RNF43: variants seen among roughly 807,000 people sequenced by gnomAD.
RNF43 encodes the protein E3 ubiquitin-protein ligase RNF43.
In RNF43, 37 loss-of-function variants were observed where a neutral mutation model predicts 78.4. The ratio of observed to expected loss-of-function variants is 0.47; its 90% confidence interval spans 0.36 to 0.62. RNF43 has a LOEUF of 0.62. Ranked by LOEUF, RNF43 falls within the 20% of genes least tolerant of loss-of-function variation. The probability of loss-of-function intolerance (pLI) is 0.00; values close to 1 mark genes in which losing one functional copy is unlikely to be tolerated. For missense variants in RNF43, 774 were observed against 1,007.9 expected, an observed-to-expected ratio of 0.77 and a Z score of 3.14; for synonymous variants, 347 against 395.0, an observed-to-expected ratio of 0.88 and a Z score of 1.44.
chr17:58,377,574 T>C (rs1449089755), intron 2 of RNF43, among the ~76,000 whole-genome samples: 2 of 152,184 alleles, frequency 1.3e-5, no homozygotes, highest in Admixed American at 6.5e-5. Flanking sequence ...AACTTAATGC[T>C]GGTCTCCCCT....
At chr17:58,385,420 A>G (rs371671052) in intron 2 of RNF43, among the ~76,000 whole-genome samples, 1 of 152,162 alleles carries the variant, frequency 6.6e-6, no homozygotes, top group African/African-American at 2.4e-5. Context: ...ATTTCAGTTA[A>G]CGGCACCACC....
chr17:58,370,137 C>T (rs1008845774), intron 3 of RNF43, among the ~76,000 whole-genome samples: 26 of 140,574 alleles, frequency 1.8e-4, no homozygotes, highest in African/African-American at 6.4e-4. Context: ...GGCACGATCT[C>T]GGCTCACTGC....
Position 58,370,935 on chromosome 17 carries a change from G to C in RNF43, c.351C>G (p.Arg117=). Residue 117 remains arginine, a synonymous_variant, in exon 3 of 10, where the codon CGC becomes CGG. Coordinates refer to ENST00000407977, the MANE Select transcript of RNF43 (RefSeq NM_017763.6). ...CCTTGCTAGCCAGTGACAGGCAGGGGCGGGGGGCCCGTCGAGGACTCTCCA... is the reference window on the plus strand; with the variant it reads ...CCTTGCTAGCCAGTGACAGGCAGGGCCGGGGGGCCCGTCGAGGACTCTCCA... ...VKLESPRRAP[R]PCLSLASKAR... 1 of 1,607,310 alleles carries C rather than the reference G, an allele frequency of 6.2e-7. No individual in the cohort carries two copies. The highest frequency in any genetic ancestry group is 1.1e-5 in the South Asian group (1 of 89,806).
chr17:58,405,722 G>GAAAGAAAA (rs1973894911), intron 2 of RNF43, among the ~76,000 whole-genome samples: 1 of 148,718 alleles, frequency 6.7e-6, no homozygotes, highest in Non-Finnish European at 1.5e-5. Flanking sequence ...AAGAAAGAAA[G>GAAAGAAAA]AAAGAAAGAA....
At chr17:58,374,809 C>T (rs1474515715) in intron 2 of RNF43, among the ~76,000 whole-genome samples, 2 of 152,056 alleles carry the variant, frequency 1.3e-5, no homozygotes, top group Admixed American at 1.3e-4. Flanking sequence ...AGCTCCAGAC[C>T]CTTATGTCTA....
intron 2 of RNF43, among the ~76,000 whole-genome samples, chr17:58,399,015 G>A (rs965976294): frequency 1.3e-5 from 2 of 152,102 alleles, no homozygotes; most frequent in African/African-American, 2.4e-5. Flanking sequence ...TCCTCCCCAC[G>A]CCCCACTGGT....
chr17:58,358,754 A>G lies in RNF43; in HGVS notation c.1022T>C (p.Leu341Pro). 6.4e-7 allele frequency: 1 copy of G among 1,561,754 alleles called. No homozygotes were observed. The highest frequency in any genetic ancestry group is 1.2e-5 in the South Asian group (1 of 85,254). Residue 341 changes from leucine (L) to proline (P), a missense_variant, in exon 9 of 10, where the codon CTC becomes CCC. Leu to Pro is a moderately conservative substitution (Grantham distance 98). Transcript: ENST00000407977. This position sits in a 1 kb window ranked among gnomAD's most constrained non-coding sequence, Gnocchi z 6.2. ...GGCATGGCCGGGATGCTGGCGAATG[A>G]GGTGGAGTCTTCGACCTGGTTCTTG... is the stretch of plus-strand genomic sequence containing the variant. ...SYQEPGRRLH[L>P]IRQHPGHAHY...
rs76126720 is a variant in RNF43, at chr17:58,415,468, T to A, written c.110A>T (p.Glu37Val). 1.2e-6 allele frequency: 2 copies of A among 1,613,982 alleles called. No homozygotes were observed. Among genetic ancestry groups the A allele is most frequent in the East Asian group, 4.5e-5 (2 of 44,896 alleles). The change falls in exon 2 of 10, where the codon GAG (glutamate) becomes GTG (valine). Residue 37 changes from glutamate (E) to valine (V), a missense_variant. By Grantham distance (121) the Glu-to-Val change is moderately radical. Coordinates refer to ENST00000407977, the MANE Select transcript of RNF43 (RefSeq NM_017763.6). ...TTTCTGTTCTGCTGATCTTTCAGAC[T>A]CCACCGCTGCTGCCAGTACCAGTCC... ...RTGLVLAAAV[E>V]SERSAEQKAI...
Position 58,363,615 on chromosome 17 carries a change from A to T in RNF43, c.376-15T>A. On this transcript the variant is annotated splice_polypyrimidine_tract_variant and intron_variant, in intron 3 of 9. Transcript: ENST00000407977. ...GCCATCCGAGCCTGCAGAGGCACAC[A>T]GTAGAGGTTGGGCTGAGGTCAGGGA... 1 of 1,606,380 alleles carries T rather than the reference A, an allele frequency of 6.2e-7. No individual in the cohort carries two copies. The highest frequency in any genetic ancestry group is 8.5e-7 in the Non-Finnish European group (1 of 1,174,960).
intron 2 of RNF43, among the ~76,000 whole-genome samples, chr17:58,413,766 A>G (rs1430720120): frequency 6.6e-6 from 1 of 152,228 alleles, no homozygotes. Flanking sequence ...TTATGATAAT[A>G]AGATTAAAAC....
chr17:58,413,547 G>A (rs1974065464), intron 2 of RNF43, among the ~76,000 whole-genome samples: 1 of 152,020 alleles, frequency 6.6e-6, no homozygotes, highest in South Asian at 2.1e-4. Context: ...TCTTCACAAA[G>A]TAAAAGCAAT....
In RNF43 at chr17:58,358,254, G is replaced by C. The variant is rs147789866; in HGVS notation, c.1522C>G (p.Leu508Val). 1 of 1,613,960 alleles carries C rather than the reference G, an allele frequency of 6.2e-7. No homozygotes were observed. Among genetic ancestry groups the C allele is most frequent in the South Asian group, 1.1e-5 (1 of 91,084 alleles). The change falls in exon 9 of 10, where the codon CTA (leucine) becomes GTA (valine). Residue 508 changes from leucine (L) to valine (V), a missense_variant. Leu to Val is a conservative substitution (Grantham distance 32). Coordinates refer to ENST00000407977, the MANE Select transcript of RNF43 (RefSeq NM_017763.6). The surrounding 1 kb of genome is among the most constrained non-coding windows in gnomAD (Gnocchi z 6.2). ...CSSLSSDFDP[L>V]VYCSPKGDPQ... Reference sequence around the variant, plus strand: ...TCCCCTTTAGGGCTGCAGTACACTAGGGGGTCAAAGTCACTGCTTAGGGAG... The same window carrying C: ...TCCCCTTTAGGGCTGCAGTACACTACGGGGTCAAAGTCACTGCTTAGGGAG...
intron 2 of RNF43, among the ~76,000 whole-genome samples, chr17:58,372,980 G>A (rs528864980): frequency 1.3e-5 from 2 of 152,362 alleles, no homozygotes; most frequent in South Asian, 4.1e-4. Context: ...TCAGGCCACA[G>A]AGCTGAGACC....
At chr17:58,355,090 GAGA>G in intron 9 of RNF43, 104 bp from the exon 10 acceptor site, 1 of 1,011,744 alleles carries the variant, frequency 9.9e-7, no homozygotes, top group Non-Finnish European at 1.6e-6. Flanking sequence ...CACAGGGAGG[GAGA>G]AGCAGAGACT....
intron 2 of RNF43, among the ~76,000 whole-genome samples, chr17:58,413,747 T>C (rs1324868272): frequency 2.0e-5 from 3 of 152,218 alleles, no homozygotes; most frequent in African/African-American, 7.2e-5. Flanking sequence ...ACAAACTTTA[T>C]GTAGAGCTTT....
chr17:58,407,433 T>C (rs1270901966), intron 2 of RNF43, among the ~76,000 whole-genome samples: 1 of 152,188 alleles, frequency 6.6e-6, no homozygotes, highest in Admixed American at 6.5e-5. Context: ...TGAGGAATAA[T>C]GCACCAGGCC....
intron 2 of RNF43, among the ~76,000 whole-genome samples, chr17:58,381,993 C>A (rs1046345646): frequency 6.6e-6 from 1 of 152,012 alleles, no homozygotes; most frequent in African/African-American, 2.4e-5. Flanking sequence ...CTCTTTTTGC[C>A]CTTGACTCCC....
At chr17:58,371,125 A>G in intron 2 of RNF43, 92 bp from the exon 3 acceptor site, 2 of 1,304,260 alleles carry the variant, frequency 1.5e-6, no homozygotes, top group South Asian at 3.7e-5. Flanking sequence ...CTAGGGAGGT[A>G]CCAGGCAGGT....
chr17:58,382,945 G>A (rs1234783810), intron 2 of RNF43, among the ~76,000 whole-genome samples: 1 of 152,138 alleles, frequency 6.6e-6, no homozygotes. Context: ...TCCCAGATTT[G>A]TTAAGTTATT....
Sources: allele counts gnomAD v4.1 joint callset (sites outside exome capture counted in the v4.1 genomes callset), GRCh38; gene constraint gnomAD v4.1.1; non-coding constraint Gnocchi (gnomAD v3.1); transcripts MANE v1.5; gene names NCBI Gene and HGNC (gene_info 2026-07-23, HGNC 2026-07-21).